DNAH17: variants seen among roughly 807,000 people sequenced by gnomAD.
The protein encoded by DNAH17 is axonemal beta dynein heavy chain 17.
DNAH17 carries 376 observed loss-of-function variants against 485.6 expected under a neutral mutation model. That is an observed-to-expected ratio of 0.77 (90% CI 0.71 to 0.84). DNAH17 has a LOEUF of 0.84. Among genes scored for constraint, DNAH17 ranks in the 40% least tolerant of loss-of-function variants. DNAH17 has a pLI of 0.00. For synonymous variants in DNAH17, 3,031 were observed against 2,405.9 expected (o/e 1.26, Z -7.60); for missense variants, 6,370 against 5,839.3 (o/e 1.09, Z -2.96).
intron 9 of DNAH17, among the ~76,000 whole-genome samples, chr17:78,567,702 C>G (rs1337774052): frequency 6.6e-6 from 1 of 152,122 alleles, no homozygotes; most frequent in African/African-American, 2.4e-5. Context: ...TGGCTCATGC[C>G]CCCTCTCCCT....
intron 75 of DNAH17, 61 bp downstream of exon 75, chr17:78,433,968 G>GGAGGGAAGGAGGGAGGGAAGGAGGGAAA (rs1555650752): frequency 7.1e-7 from 1 of 1,403,596 alleles, no homozygotes; most frequent in Non-Finnish European, 9.7e-7. Context: ...AGGGAAGGAG[G>GGAGGGAAGGAGGGAGGGAAGGAGGGAAA]GAGGGAAGGA....
chr17:78,566,906 T>C, intron 10 of DNAH17, 93 bp downstream of exon 10: 1 of 1,450,422 alleles, frequency 6.9e-7, no homozygotes, highest in Non-Finnish European at 9.3e-7. Context: ...ACCTGCTTCC[T>C]CCGTGTGCCC....
Position 78,552,775 on chromosome 17 carries a change from G to A in DNAH17, c.2209C>T (p.Leu737=). Residue 737 remains leucine (L), a synonymous_variant, in exon 15 of 81, where the codon CTA becomes TTA. Transcript: ENST00000389840. ...IKTIVKAVEF[L]LIKSELEAID... is the part of the protein sequence containing the mutation. ...GCTTCCAGTTCTGACTTTATTAGTA[G>A]AAATTCTACTGCCTTCACTATAGTC... is the stretch of plus-strand genomic sequence containing the variant. 4 of 1,613,302 alleles carry A rather than the reference G, an allele frequency of 2.5e-6. No individual in the cohort carries two copies. Among genetic ancestry groups the A allele is most frequent in the Non-Finnish European group, 3.4e-6 (4 of 1,179,260 alleles).
At position 78,571,376 on chromosome 17, in the gene DNAH17, T is replaced by C; in HGVS notation, c.735A>G (p.Leu245=). ...CAATCTTGTTCACTTTGGGTCTGTT[T>C]AGCTGAGAAGGGGAGTGAAGATCCA... ...LLNLKCIHEQ[L]NRPKVNKIVE... is the part of the protein sequence containing the mutation. Residue 245 remains leucine (L), a splice_region_variant and synonymous_variant, in exon 5 of 81, where the codon CTA becomes CTG. Coordinates refer to ENST00000389840, the MANE Select transcript of DNAH17 (RefSeq NM_173628.4). 1 of 1,612,782 alleles carries C rather than the reference T, an allele frequency of 6.2e-7. No homozygotes were observed.
rs750117430 is a variant in DNAH17, at chr17:78,544,006, A to T, written c.2392-9T>A. 58 of 1,613,818 alleles carry T rather than the reference A, an allele frequency of 3.6e-5. No homozygotes were observed. The African/African-American group carries it at 7.2e-4, about 20-fold the overall frequency. On this transcript the variant is annotated splice_polypyrimidine_tract_variant and intron_variant, in intron 16 of 80. Coordinates refer to ENST00000389840, the MANE Select transcript of DNAH17 (RefSeq NM_173628.4). ...GGGTTGGCCGACCAGTCCTGGAAGG[A>T]AAGCACAGGAGTGAGAAAAGGTGTT...
chr17:78,440,275 G>A (rs1598451652), intron 72 of DNAH17, among the ~76,000 whole-genome samples: 1 of 50,342 alleles, frequency 2.0e-5, no homozygotes, highest in African/African-American at 7.3e-5. Context: ...TTTTTTTTTT[G>A]AGACAGGGTC....
At chr17:78,427,281 G>T in intron 77 of DNAH17, 173 bp from the exon 78 acceptor site, 1 of 652,342 alleles carries the variant, frequency 1.5e-6, no homozygotes, top group Non-Finnish European at 2.6e-6. Flanking sequence ...ATTTGATGAG[G>T]AGAGGGAGCC....
intron 71 of DNAH17, 73 bp downstream of exon 71, chr17:78,444,531 C>T (rs1568059185): frequency 7.0e-7 from 1 of 1,424,626 alleles, no homozygotes; most frequent in Non-Finnish European, 9.3e-7. Context: ...GAGAGTCTAG[C>T]ACAGCCGCTC....
At chr17:78,461,416 C>T (rs1598489428) in intron 58 of DNAH17, 128 bp downstream of exon 58, 1 of 1,048,560 alleles carries the variant, frequency 9.5e-7, no homozygotes, top group Admixed American at 3.7e-5. Context: ...GGTTTAGGAA[C>T]CTTGTCCTTC....
At chr17:78,534,974 T>C (rs1469357352) in intron 19 of DNAH17, among the ~76,000 whole-genome samples, 2 of 152,208 alleles carry the variant, frequency 1.3e-5, no homozygotes, top group Non-Finnish European at 2.9e-5. Context: ...GCAGTCTAGA[T>C]GCCTGACTCT....
chr17:78,544,577 C>T (rs562942010), intron 16 of DNAH17, among the ~76,000 whole-genome samples: 4 of 151,946 alleles, frequency 2.6e-5, no homozygotes, highest in Admixed American at 6.6e-5. Flanking sequence ...CTGAGGCAGG[C>T]GGATCACGAG....
At chr17:78,561,497 C>T (rs2092153189) in intron 12 of DNAH17, among the ~76,000 whole-genome samples, 1 of 152,098 alleles carries the variant, frequency 6.6e-6, no homozygotes, top group Admixed American at 6.5e-5. Flanking sequence ...GGCTGGTGGG[C>T]AAGGGTGGGG....
intron 56 of DNAH17, among the ~76,000 whole-genome samples, chr17:78,464,798 G>C (rs1333229089): frequency 6.6e-6 from 1 of 152,144 alleles, no homozygotes; most frequent in African/African-American, 2.4e-5. Flanking sequence ...GGGCTGATTG[G>C]AAACCACCCC....
chr17:78,484,996 C>T lies in DNAH17; in HGVS notation c.7521G>A (p.Arg2507=), dbSNP rs766408100. ...LEKPLEKKSG[R]NYGPPGTKKL... ...TCTTAGTGCCTGGCGGCCCGTAGTTCCTCCCCGATTTCTTCTCCAGCGGCT... is the reference window on the plus strand; with the variant it reads ...TCTTAGTGCCTGGCGGCCCGTAGTTTCTCCCCGATTTCTTCTCCAGCGGCT... Residue 2507 remains arginine, a synonymous_variant, in exon 48 of 81, where the codon AGG becomes AGA. Coordinates refer to ENST00000389840, the MANE Select transcript of DNAH17 (RefSeq NM_173628.4). The T allele has an allele frequency of 3.1e-5, 50 of 1,613,050 alleles. No individual in the cohort carries two copies. Among genetic ancestry groups the T allele is most frequent in the Non-Finnish European group, 4.2e-5 (50 of 1,179,528 alleles).
At chr17:78,498,221 G>T (rs928512743) in intron 37 of DNAH17, among the ~76,000 whole-genome samples, 1 of 152,030 alleles carries the variant, frequency 6.6e-6, no homozygotes, top group Non-Finnish European at 1.5e-5. Flanking sequence ...AGGTTGTGGG[G>T]CTTAAGCAGC....
intron 40 of DNAH17, 101 bp downstream of exon 40, chr17:78,494,492 G>A (rs967332655): frequency 9.2e-6 from 12 of 1,310,836 alleles, no homozygotes; most frequent in South Asian, 2.6e-5. Context: ...ATCGGGAAAC[G>A]TGCGTGTGTG....
chr17:78,478,657 C>A (rs1222998416), intron 51 of DNAH17, among the ~76,000 whole-genome samples: 1 of 143,472 alleles, frequency 7.0e-6, no homozygotes, highest in Non-Finnish European at 1.5e-5. Flanking sequence ...CCATCACCAC[C>A]ATCACTACCA....
At position 78,485,289 on chromosome 17, in the gene DNAH17, A is replaced by G; in HGVS notation, c.7484-256T>C. The G allele has an allele frequency of 8.0e-6, 5 of 622,662 alleles. No individual in the cohort carries two copies. In the Admixed American group the frequency reaches 1.5e-4, roughly 19 times the overall value. The allele number at this position is 622,662 out of a possible 1,614,324, so 38.6% of individuals were successfully genotyped here. A position where few individuals can be genotyped will look rare whatever the true frequency, so the allele number is the denominator to read the frequency against. On this transcript the variant is annotated intron_variant, in intron 47 of 80. Transcript: ENST00000389840. ...CCTTTGGGTCGCCTTAGATTGGCTG[A>G]GACACTCCCGGGGGACCTGCTGCCT...
rs562172909 is a variant in DNAH17 at position 78,483,119 on chromosome 17, C to T, written c.7649+1749G>A. On this transcript the variant is annotated intron_variant, in intron 48 of 80. Transcript: ENST00000389840. ...TCTGGGTACCCTCAAATCTCCCACC[C>T]CACACCACGTTAGGTTCTCCTCAAA... is the stretch of plus-strand genomic sequence containing the variant. 7.7e-4 allele frequency among the ~76,000 whole-genome samples: 115 copies of T among 148,532 alleles called. 1 individual carries two copies. The highest frequency in any genetic ancestry group is 2.8e-3 in the African/African-American group (112 of 39,506).
Sources: gnomAD v4.1 joint callset for allele counts (sites outside exome capture counted in the v4.1 genomes callset) on GRCh38, gnomAD v4.1.1 for gene constraint, MANE v1.5 for transcripts, NCBI Gene and HGNC (gene_info 2026-07-23, HGNC 2026-07-21) for gene names.